CFAP47: variants seen among roughly 807,000 people sequenced by gnomAD.
CFAP47 encodes cilia- and flagella-associated protein 47.
In CFAP47, 29 loss-of-function variants were observed where a neutral mutation model predicts 148.1. The ratio of observed to expected loss-of-function variants is 0.20; its 90% CI spans 0.15 to 0.27. The LOEUF (loss-of-function observed/expected upper bound fraction) is 0.27, where lower values mean the gene tolerates loss of function less well. CFAP47 is among the 10% of genes least tolerant of loss of function. The probability of loss-of-function intolerance (pLI) is 1.00; values close to 1 mark genes in which losing one functional copy is unlikely to be tolerated. For synonymous variants in CFAP47, 664 were observed against 577.3 expected, an observed-to-expected ratio of 1.15 and a Z score of -2.15; for missense variants, 1,872 against 1,697.5, an observed-to-expected ratio of 1.10 and a Z score of -1.81.
At chrX:35,948,800 C>CGTGTGTGTGT (rs1365183029) in intron 4 of CFAP47, among the ~76,000 whole-genome samples, 1 of 85,144 alleles carries the variant, frequency 1.2e-5, no homozygotes, top group Non-Finnish European at 2.3e-5. Flanking sequence ...TGTGTGTGTG[C>CGTGTGTGTGT]GTGTGTGTGT....
At chrX:36,003,093 T>G (rs762058688) in intron 21 of CFAP47, among the ~76,000 whole-genome samples, 1 of 111,201 alleles carries the variant, frequency 9.0e-6, no homozygotes, top group African/African-American at 3.3e-5. Flanking sequence ...TTAAAAAATT[T>G]CCTTTATTAG....
At chrX:36,301,796 C>A (rs1163674027) in intron 53 of CFAP47, among the ~76,000 whole-genome samples, 2 of 110,762 alleles carry the variant, frequency 1.8e-5, no homozygotes, top group African/African-American at 6.6e-5. Flanking sequence ...TGGGTTAATG[C>A]CGTGATCCCT....
chrX:36,190,107 G>A lies in CFAP47; in HGVS notation c.6232G>A (p.Gly2078Arg). The change falls in exon 42 of 64, where the codon GGA becomes AGA. Residue 2078 changes from glycine to arginine, a missense_variant. By Grantham distance (125) the Gly-to-Arg change is moderately radical. Coordinates refer to ENST00000378653, the MANE Select transcript of CFAP47 (RefSeq NM_001304548.2). ...FFCSMHTVHL[G>R]VKGTSSLELR... Reference sequence around the variant, plus strand: ...CTGCTCCATGCATACTGTTCACCTGGGAGTGAAAGGAACTTCAAGCCTAGA... The same window carrying A: ...CTGCTCCATGCATACTGTTCACCTGAGAGTGAAAGGAACTTCAAGCCTAGA... 3 of 296,555 alleles carry A rather than the reference G, an allele frequency of 1.0e-5. No homozygotes were observed. Among genetic ancestry groups the A allele is most frequent in the East Asian group, 4.8e-5 (1 of 21,004 alleles). The allele number at this position is 296,555 out of a possible 1,213,427, so 24.4% of individuals were successfully genotyped here. A position where few individuals can be genotyped will look rare whatever the true frequency, so the allele number is the denominator to read the frequency against.
At chrX:36,308,017 G>A (rs1279850779) in intron 55 of CFAP47, among the ~76,000 whole-genome samples, 1 of 111,397 alleles carries the variant, frequency 9.0e-6, no homozygotes, top group Non-Finnish European at 1.9e-5. Context: ...AGCGATTGCT[G>A]CATAGCAGGA....
chrX:35,974,047 T>C (rs920150755), intron 13 of CFAP47, among the ~76,000 whole-genome samples: 1 of 111,241 alleles, frequency 9.0e-6, no homozygotes, highest in Non-Finnish European at 1.9e-5. Context: ...TTGGCTGGGG[T>C]GGGAGGGAGA....
intron 1 of CFAP47, 105 bp downstream of exon 1, chrX:35,920,153 A>G (rs966534689): frequency 4.3e-6 from 4 of 921,719 alleles, no homozygotes; most frequent in Admixed American, 6.6e-5. Context: ...GCCGGGATGG[A>G]GGGAGGATTG....
intron 62 of CFAP47, among the ~76,000 whole-genome samples, chrX:36,368,789 T>C (rs1941902818): frequency 1.8e-5 from 2 of 111,741 alleles, no homozygotes; most frequent in South Asian, 7.4e-4. Flanking sequence ...GCAATGTATA[T>C]AAATTACTCA....
At position 36,314,173 on chromosome X, in the gene CFAP47, G is replaced by T. The variant is rs781925634; in HGVS notation, c.8344+3184G>T. On this transcript the variant is annotated intron_variant, in intron 56 of 63. Coordinates refer to ENST00000378653, the MANE Select transcript of CFAP47 (RefSeq NM_001304548.2). ...AATTGGGCAATCCAGAAGTTTGATA[G>T]TGAGTTTGAAATTCTAAAAATGCTG... Among the ~76,000 whole-genome samples, 252 of 111,638 alleles carry T rather than the reference G, an allele frequency of 2.3e-3. 2 individuals carry two copies. Among genetic ancestry groups the T allele is most frequent in the African/African-American group, 7.7e-3 (238 of 30,846 alleles).
chrX:36,243,647 G>GTGTATATATA lies in CFAP47; in HGVS notation c.7332+6789_7332+6790insGTATATATAT, dbSNP rs1179341078. Among the ~76,000 whole-genome samples, 164 of 64,190 alleles carry GTGTATATATA rather than the reference G, an allele frequency of 2.6e-3. 1 individual carries two copies. The highest frequency in any genetic ancestry group is 0.012 in the Middle Eastern group (1 of 84). 55.7% of individuals were successfully genotyped at this position (64,190 alleles called of 115,157 possible). A position where few individuals can be genotyped will look rare whatever the true frequency, so the allele number is the denominator to read the frequency against. On this transcript the variant is annotated intron_variant, in intron 48 of 63. Coordinates refer to ENST00000378653, the MANE Select transcript of CFAP47 (RefSeq NM_001304548.2). Reference sequence around the variant, plus strand: ...AAAAACTTAACTATTATATGTGTGTGTATATATATATATATATATATATAT... The same window carrying GTGTATATATA: ...AAAAACTTAACTATTATATGTGTGTGTGTATATATATATATATATATATATATATATATAT...
At chrX:35,943,106 A>G (rs1936034250) in intron 3 of CFAP47, among the ~76,000 whole-genome samples, 1 of 111,757 alleles carries the variant, frequency 8.9e-6, no homozygotes, top group South Asian at 3.7e-4. Context: ...CAGATTAGCT[A>G]GTGCCTATAA....
intron 9 of CFAP47, among the ~76,000 whole-genome samples, chrX:35,967,232 T>G (rs780564149): frequency 1.4e-3 from 155 of 110,986 alleles, no homozygotes; most frequent in Non-Finnish European, 2.3e-3. Context: ...GAGTTTATAA[T>G]ATAAACTTTT....
chrX:36,099,243 G>T (rs1163590020), intron 31 of CFAP47, among the ~76,000 whole-genome samples: 1 of 110,993 alleles, frequency 9.0e-6, no homozygotes, highest in Non-Finnish European at 1.9e-5. Flanking sequence ...CGTTTTCAGG[G>T]GAAAATAGAA....
chrX:36,064,290 G>A lies in CFAP47; in HGVS notation c.4218-1353G>A, dbSNP rs569228381. 9.8e-5 allele frequency among the ~76,000 whole-genome samples: 11 copies of A among 111,712 alleles called. 1 individual carries two copies. The South Asian group carries it at 4.1e-3, about 41-fold the overall frequency. ...TATCATATGGTAAAAATTACATATAGATATGAAATGTAATCCTGAATAAGG... is the reference window on the plus strand; with the variant it reads ...TATCATATGGTAAAAATTACATATAAATATGAAATGTAATCCTGAATAAGG... On this transcript the variant is annotated intron_variant, in intron 26 of 63. Transcript: ENST00000378653.
At chrX:36,254,380 A>T (rs782351525) in intron 49 of CFAP47, among the ~76,000 whole-genome samples, 3 of 111,651 alleles carry the variant, frequency 2.7e-5, no homozygotes, top group Non-Finnish European at 5.7e-5. Context: ...CAATGCAGGT[A>T]GACATTTTAG....
intron 7 of CFAP47, 121 bp downstream of exon 7, chrX:35,953,840 C>A (rs1034264311): frequency 2.1e-6 from 1 of 481,835 alleles, no homozygotes; most frequent in Non-Finnish European, 3.1e-6. Context: ...GAAAAAAAAG[C>A]AAACATGTTC....
intron 33 of CFAP47, among the ~76,000 whole-genome samples, chrX:36,124,514 G>A (rs66529462): frequency 0.14 from 15,630 of 110,568 alleles, 2,352 homozygotes; most frequent in African/African-American, 0.45. Context: ...CTGGTCATCA[G>A]CTGAGTTCAG....
chrX:36,042,696 C>T (rs1040747758), intron 25 of CFAP47, among the ~76,000 whole-genome samples: 2 of 111,072 alleles, frequency 1.8e-5, no homozygotes, highest in South Asian at 3.7e-4. Context: ...ATAAATACAC[C>T]GATATTCATG....
At chrX:36,224,322 T>G (rs1404856048) in intron 45 of CFAP47, among the ~76,000 whole-genome samples, 2 of 111,578 alleles carry the variant, frequency 1.8e-5, no homozygotes, top group East Asian at 2.8e-4. Context: ...AATGTAGAAT[T>G]GGAACCAAAA....
chrX:36,343,689 C>A (rs1373660355), intron 57 of CFAP47, among the ~76,000 whole-genome samples: 1 of 111,702 alleles, frequency 9.0e-6, no homozygotes, highest in Non-Finnish European at 1.9e-5. Flanking sequence ...CCCAAATGCC[C>A]ATCAATGATA....
Sources: allele counts gnomAD v4.1 joint callset (sites outside exome capture counted in the v4.1 genomes callset), GRCh38; gene constraint gnomAD v4.1.1; transcripts MANE v1.5; gene names NCBI Gene and HGNC (gene_info 2026-07-23, HGNC 2026-07-21).